The following TFEB variants were observed in gnomAD, a reference collection of about 807,000 sequenced individuals.
TFEB encodes transcription factor EB.
TFEB carries 12 observed loss-of-function variants against 48.0 expected under a neutral mutation model. The observed-to-expected ratio is 0.25, with a 90% CI of 0.16 to 0.40. The LOEUF (loss-of-function observed/expected upper bound fraction) is 0.40. TFEB is among the 10% of genes least tolerant of loss of function. The pLI, the probability that TFEB is intolerant of heterozygous loss-of-function variation, is 1.00. For synonymous variants in TFEB, 244 were observed against 261.4 expected (o/e 0.93, Z 0.64); for missense variants, 509 against 640.3 (o/e 0.79, Z 2.21).
At position 41,734,881 on chromosome 6, in the gene TFEB, C is replaced by A. The variant is rs4487571; in HGVS notation, c.-23+469G>T. 59,888 of 985,090 alleles carry A rather than the reference C, an allele frequency of 0.061. 1,918 individuals carry two copies. The highest frequency in any genetic ancestry group is 0.065 in the Non-Finnish European group (54,309 of 829,736). The allele number at this position is 985,090 out of a possible 1,614,324, so 61.0% of individuals were successfully genotyped here. ...CCCCGCTGGCCTGGCCAGACTCAGC[C>A]CCCGCACACCTCCCCTACCTCCGAC... On this transcript the variant is annotated intron_variant, in intron 1 of 8. Transcript: ENST00000373033. This position sits in a 1 kb window ranked among gnomAD's most constrained non-coding sequence, Gnocchi z 4.0.
Position 41,686,177 on chromosome 6 carries a change from C to T in TFEB, c.864G>A (p.Met288Ile), listed in dbSNP as rs778301600. 1.3e-5 allele frequency: 21 copies of T among 1,614,140 alleles called. No individual in the cohort carries two copies. The highest frequency in any genetic ancestry group is 1.7e-5 in the Non-Finnish European group (20 of 1,180,060). The change falls in exon 8 of 9, where the codon ATG becomes ATA. Residue 288 changes from methionine (M) to isoleucine (I), a missense_variant. Around this residue, in one of 4 missense-constraint regions of TFEB, gnomAD observed 28 missense variants for 71.9 expected, o/e 0.39. Coordinates refer to ENST00000373033, the MANE Select transcript of TFEB (RefSeq NM_001271944.2). The part of the protein sequence containing the change: ...LKASVDYIRR[M>I]QKDLQKSREL... Reference sequence around the variant, plus strand: ...CCCTGGACTTTTGCAGGTCCTTCTGCATCCTCCGGATGTAATCCACAGAGG... The same window carrying T: ...CCCTGGACTTTTGCAGGTCCTTCTGTATCCTCCGGATGTAATCCACAGAGG...
In TFEB at chr6:41,734,324, G is replaced by C; in HGVS notation, c.-23+1026C>G. The C allele has an allele frequency of 1.0e-6, 1 of 984,042 alleles. No homozygotes were observed. Among genetic ancestry groups the C allele is most frequent in the Non-Finnish European group, 1.2e-6 (1 of 828,934 alleles). The allele number at this position is 984,042 out of a possible 1,614,324, so 61.0% of individuals were successfully genotyped here. ...CCTCCCTTCCTCACCCGGGGCGCGG[G>C]GCTGGGGCGCGCCAGGCGGCTGCGG... On this transcript the variant is annotated intron_variant, in intron 1 of 8. Coordinates refer to ENST00000373033, the MANE Select transcript of TFEB (RefSeq NM_001271944.2). This position sits in a 1 kb window ranked among gnomAD's most constrained non-coding sequence, Gnocchi z 4.0.
In TFEB at chr6:41,694,852, C is replaced by T. The variant is rs184626851; in HGVS notation, c.-22-3617G>A. Among the ~76,000 whole-genome samples, 9 of 152,140 alleles carry T rather than the reference C, an allele frequency of 5.9e-5. No individual in the cohort carries two copies. In the East Asian group the frequency reaches 1.4e-3, roughly 23 times the overall value. Reference sequence around the variant, plus strand: ...GGGATGGGGCACTTCCCTGGAGAGCCTTCTCCCCTGCCCCTCCCAGGTAAC... The same window carrying T: ...GGGATGGGGCACTTCCCTGGAGAGCTTTCTCCCCTGCCCCTCCCAGGTAAC... On this transcript the variant is annotated intron_variant, in intron 1 of 8. Transcript: ENST00000373033.
intron 1 of TFEB, among the ~76,000 whole-genome samples, chr6:41,729,900 G>A (rs943424251): frequency 1.3e-5 from 2 of 152,204 alleles, no homozygotes; most frequent in Admixed American, 6.5e-5. Flanking sequence ...GCTGCAAAGC[G>A]GCAGGACCCG....
Position 41,690,127 on chromosome 6 carries a change from T to C in TFEB, c.469-316A>G, listed in dbSNP as rs182584887. ...TTCTCCCTAGCAGAGCTTTCTTTTT[T>C]CTTTTTTCTTTTTTTTTTTTCGAGA... On this transcript the variant is annotated intron_variant, in intron 3 of 8. Coordinates refer to ENST00000373033, the MANE Select transcript of TFEB (RefSeq NM_001271944.2). 1.0e-3 allele frequency among the ~76,000 whole-genome samples: 154 copies of C among 150,062 alleles called. No homozygotes were observed. The Middle Eastern group carries it at 0.01, about 10-fold the overall frequency.
At chr6:41,697,408 C>CAAAAA (rs56059829) in intron 1 of TFEB, among the ~76,000 whole-genome samples, 1,590 of 63,302 alleles carry the variant, frequency 0.025, 61 homozygotes, top group East Asian at 0.063. Flanking sequence ...AACTCCATCT[C>CAAAAA]AAAAAAAAAA....
intron 1 of TFEB, among the ~76,000 whole-genome samples, chr6:41,699,779 C>T (rs1029638048): frequency 2.0e-5 from 3 of 152,214 alleles, no homozygotes; most frequent in African/African-American, 7.2e-5. Flanking sequence ...TTGAAAGGTC[C>T]TTGATATCAG....
At chr6:41,698,180 A>G (rs1027958526) in intron 1 of TFEB, among the ~76,000 whole-genome samples, 1 of 152,182 alleles carries the variant, frequency 6.6e-6, no homozygotes. Context: ...CCATTCAAGG[A>G]ATGAGGAAAC....
chr6:41,684,584 C>T lies in TFEB; in HGVS notation c.*15G>A. 6.5e-7 allele frequency: 1 copy of T among 1,536,168 alleles called. No individual in the cohort carries two copies. Among genetic ancestry groups the T allele is most frequent in the South Asian group, 1.3e-5 (1 of 78,342 alleles). ...CCAGGCCGGCCCCTGTTCCCTGGCA[C>T]AGGGGCAGCCAGGGTCACAGCACAT... On this transcript the variant is annotated 3_prime_UTR_variant, in exon 9 of 9. Transcript: ENST00000373033.
chr6:41,713,081 A>G (rs573789368), intron 1 of TFEB, among the ~76,000 whole-genome samples: 2 of 152,150 alleles, frequency 1.3e-5, no homozygotes, highest in African/African-American at 2.4e-5. Flanking sequence ...CAGGAGAAGG[A>G]GCAAGAGAAG....
rs565882471 is a variant in TFEB, at chr6:41,706,772, A to G, written c.-22-15537T>C. On this transcript the variant is annotated intron_variant, in intron 1 of 8. Transcript: ENST00000373033. ...ATTCCAACAGCCCACCAAGTCACCC[A>G]CCCACCGGATGGAGTGAGTGAGCTG... is the stretch of plus-strand genomic sequence containing the variant. 1.4e-4 allele frequency among the ~76,000 whole-genome samples: 21 copies of G among 150,310 alleles called. No individual in the cohort carries two copies. The South Asian group carries it at 4.5e-3, about 32-fold the overall frequency.
rs148162416 is a variant in TFEB at position 41,701,498 on chromosome 6, G to T, written c.-22-10263C>A. 3.7e-3 allele frequency among the ~76,000 whole-genome samples: 556 copies of T among 152,284 alleles called. 5 individuals carry two copies. The highest frequency in any genetic ancestry group is 0.013 in the African/African-American group (532 of 41,550). ...GGCCCTCAAGGGCTGCTGGTCCAGT[G>T]ACCCCCACACACTCAGTTATCACCC... On this transcript the variant is annotated intron_variant, in intron 1 of 8. Coordinates refer to ENST00000373033, the MANE Select transcript of TFEB (RefSeq NM_001271944.2).
At chr6:41,714,580 T>TGAGCACTTACTACATGC (rs1430568083) in intron 1 of TFEB, among the ~76,000 whole-genome samples, 5 of 152,328 alleles carry the variant, frequency 3.3e-5, no homozygotes, top group Admixed American at 1.3e-4. Flanking sequence ...AAATATTTCT[T>TGAGCACTTACTACATGC]GAGCACTTAC....
At chr6:41,713,130 C>T (rs1770559957) in intron 1 of TFEB, among the ~76,000 whole-genome samples, 1 of 152,098 alleles carries the variant, frequency 6.6e-6, no homozygotes, top group Admixed American at 6.5e-5. Flanking sequence ...GGGCCTCAGT[C>T]CTCCCTCCCC....
At chr6:41,702,817 A>T (rs1221761483) in intron 1 of TFEB, among the ~76,000 whole-genome samples, 1 of 152,180 alleles carries the variant, frequency 6.6e-6, no homozygotes, top group Non-Finnish European at 1.5e-5. Context: ...GAAGACCTGC[A>T]TCGGTATGCA....
At chr6:41,725,171 T>G (rs1466043633) in intron 1 of TFEB, among the ~76,000 whole-genome samples, 1 of 152,206 alleles carries the variant, frequency 6.6e-6, no homozygotes, top group African/African-American at 2.4e-5. Context: ...CTGGCTCTTT[T>G]CCTAGATCAG....
At chr6:41,694,203 C>T (rs978109383) in intron 1 of TFEB, among the ~76,000 whole-genome samples, 1 of 152,192 alleles carries the variant, frequency 6.6e-6, no homozygotes, top group African/African-American at 2.4e-5. Flanking sequence ...GACCCTGCCT[C>T]TCACTGGCTG....
At position 41,689,799 on chromosome 6, in the gene TFEB, T is replaced by G; in HGVS notation, c.481A>C (p.Ile161Leu). ...TCGTCCAGACGCATAATGTTGTCAATGACATCATCCAACTGGAAAAGAGAA... is the reference window on the plus strand; with the variant it reads ...TCGTCCAGACGCATAATGTTGTCAAGGACATCATCCAACTGGAAAAGAGAA... ...SNPERELDDV[I>L]DNIMRLDDVL... The change falls in exon 4 of 9, where the codon ATT (isoleucine) becomes CTT (leucine). Residue 161 changes from isoleucine to leucine, a missense_variant. Coordinates refer to ENST00000373033, the MANE Select transcript of TFEB (RefSeq NM_001271944.2). The G allele has an allele frequency of 6.2e-7, 1 of 1,613,890 alleles. No individual in the cohort carries two copies. Among genetic ancestry groups the G allele is most frequent in the Non-Finnish European group, 8.5e-7 (1 of 1,179,912 alleles).
chr6:41,726,991 C>G (rs1418055631), intron 1 of TFEB, among the ~76,000 whole-genome samples: 1 of 152,138 alleles, frequency 6.6e-6, no homozygotes, highest in Non-Finnish European at 1.5e-5. Context: ...GTCCCTTCCC[C>G]CAGTTGGCCC....
Sources: gnomAD v4.1 joint callset for allele counts (sites outside exome capture counted in the v4.1 genomes callset) on GRCh38, gnomAD v4.1.1 for gene constraint, gnomAD v4.1.1 regional missense constraint, Gnocchi (gnomAD v3.1) non-coding constraint, MANE v1.5 for transcripts, NCBI Gene and HGNC (gene_info 2026-07-23, HGNC 2026-07-21) for gene names.